GOLGA7B: variants seen among roughly 807,000 people sequenced by gnomAD.
The protein encoded by GOLGA7B is golgin subfamily A member 7B.
In GOLGA7B, 17 loss-of-function variants were observed where a neutral mutation model predicts 21.5. The ratio of observed to expected loss-of-function variants is 0.79; its 90% CI spans 0.54 to 1.19. The LOEUF (loss-of-function observed/expected upper bound fraction) is 1.19, where lower values mean the gene tolerates loss of function less well. GOLGA7B is among the 50% of genes most tolerant of loss of function. The pLI is 0.00. For missense variants in GOLGA7B, 169 were observed against 224.4 expected, an observed-to-expected ratio of 0.75 and a Z score of 1.58; for synonymous variants, 87 against 84.0, an observed-to-expected ratio of 1.04 and a Z score of -0.19.
At position 97,864,187 on chromosome 10, in the gene GOLGA7B, G is replaced by A. The variant is rs750311602; in HGVS notation, c.311G>A (p.Arg104His). Reference protein sequence around the residue: ...HYEKVLKKISRYIQEQNEKIF... With the variant: ...HYEKVLKKISHYIQEQNEKIF... Reference sequence around the variant, plus strand: ...TTGCAGGTTCTCAAGAAGATTTCCCGCTACATCCAGGAGCAGAATGAGAAG... The same window carrying A: ...TTGCAGGTTCTCAAGAAGATTTCCCACTACATCCAGGAGCAGAATGAGAAG... Residue 104 changes from arginine to histidine, a missense_variant, in exon 4 of 5, where the codon CGC (arginine) becomes CAC (histidine). Transcript: ENST00000370602. 152 of 1,614,138 alleles carry A rather than the reference G, an allele frequency of 9.4e-5. 1 individual carries two copies. The highest frequency in any genetic ancestry group is 3.3e-4 in the Middle Eastern group (2 of 6,062).
rs1384166085 is a variant in GOLGA7B, at chr10:97,859,468, T to C, written c.23T>C (p.Leu8Pro). MATEVHN[L>P]QELRRSASLA... ...CGCACGTCTCCTCAGGTCCACAATC[T>C]GCAGGAGCTCCGGCGAAGTGCCTCA... is the stretch of plus-strand genomic sequence containing the variant. Residue 8 changes from leucine (L) to proline (P), a missense_variant, in exon 2 of 5, where the codon CTG (leucine) becomes CCG (proline). Transcript: ENST00000370602. 1.2e-6 allele frequency: 2 copies of C among 1,614,076 alleles called. No individual in the cohort carries two copies. The highest frequency in any genetic ancestry group is 2.2e-5 in the East Asian group (1 of 44,866).
intron 2 of GOLGA7B, among the ~76,000 whole-genome samples, chr10:97,863,200 G>A (rs955309652): frequency 4.6e-5 from 7 of 152,210 alleles, no homozygotes; most frequent in South Asian, 2.1e-4. Context: ...CGTGGTCCGC[G>A]TGGTCTTAGG....
At chr10:97,863,017 C>T (rs1045746734) in intron 2 of GOLGA7B, among the ~76,000 whole-genome samples, 42 of 152,224 alleles carry the variant, frequency 2.8e-4, no homozygotes, top group African/African-American at 8.9e-4. Flanking sequence ...GAGGGCCTAG[C>T]GGGCATTGTA....
In GOLGA7B at chr10:97,862,543, C is replaced by T. The variant is rs543580965; in HGVS notation, c.139-1387C>T. On this transcript the variant is annotated intron_variant, in intron 2 of 4. Coordinates refer to ENST00000370602, the MANE Select transcript of GOLGA7B (RefSeq NM_001010917.3). ...TAAGGAGAAGAAAATATATTTACTA[C>T]TCATTAAGTGGAAGTGGATCATCAT... Among the ~76,000 whole-genome samples, 312 of 152,174 alleles carry T rather than the reference C, an allele frequency of 2.1e-3. 1 individual carries two copies. The highest frequency in any genetic ancestry group is 7.0e-3 in the African/African-American group (291 of 41,502).
rs1053648324 is a variant in GOLGA7B at position 97,867,179 on chromosome 10, G to A, written c.*1479G>A. ...GGCTCTTTAAGGCTTTGTAGGTGAG[G>A]TTTCCATGGACCTTCAAAGGTGCCA... is the stretch of plus-strand genomic sequence containing the variant. On this transcript the variant is annotated 3_prime_UTR_variant, in exon 5 of 5. Coordinates refer to ENST00000370602, the MANE Select transcript of GOLGA7B (RefSeq NM_001010917.3). 4 of 152,156 alleles carry A rather than the reference G, an allele frequency of 2.6e-5. No individual in the cohort carries two copies. Among genetic ancestry groups the A allele is most frequent in the Non-Finnish European group, 5.9e-5 (4 of 68,048 alleles). The allele number at this position is 152,156 out of a possible 1,614,324, so 9.4% of individuals were successfully genotyped here. A position where few individuals can be genotyped will look rare whatever the true frequency, so the allele number is the denominator to read the frequency against.
At position 97,864,095 on chromosome 10, in the gene GOLGA7B, GC is replaced by G; in HGVS notation, c.291+17del. The stretch of plus-strand genomic sequence containing the variant: ...CCACTATGAGAAGGTGGCCCCTCCC[GC>G]CCCACCGTGCATCCCTTCCCTCAGG... On this transcript the variant is annotated intron_variant, in intron 3 of 4. Transcript: ENST00000370602. 6.2e-7 allele frequency: 1 copy of G among 1,613,700 alleles called. No homozygotes were observed. The highest frequency in any genetic ancestry group is 8.5e-7 in the Non-Finnish European group (1 of 1,179,712).
rs762942929 is a variant in GOLGA7B, at chr10:97,865,641, G to GGCA, written c.454_456dup (p.Ser152dup). 7.5e-5 allele frequency: 121 copies of GGCA among 1,612,130 alleles called. No individual in the cohort carries two copies. Among genetic ancestry groups the GGCA allele is most frequent in the Admixed American group, 1.0e-4 (6 of 59,882 alleles). The stretch of plus-strand genomic sequence containing the variant: ...GTGCAGCAGTGGCAGCTCCAGCAGC[G>GGCA]GCAGCAGCAGCGGCAGTGGCAGCAG... On this transcript the variant is annotated inframe_insertion, in exon 5 of 5. Transcript: ENST00000370602.
rs2049958092 is a variant in GOLGA7B, at chr10:97,859,561, TC to T, written c.122del (p.Pro41GlnfsTer16). On this transcript the variant is annotated frameshift_variant, in exon 2 of 5. Coordinates refer to ENST00000370602, the MANE Select transcript of GOLGA7B (RefSeq NM_001010917.3). LOFTEE classifies it high-confidence loss of function. ...ACCATCTGTCAGTTCCAGACCAAAT[TC>T]CCCCCAGAGCTGGACAGCCGGGTAA... ...DGTICQFQTK[F>X]PPELDSRIER... 6.2e-7 allele frequency: 1 copy of T among 1,613,596 alleles called. No individual in the cohort carries two copies. The highest frequency in any genetic ancestry group is 8.5e-7 in the Non-Finnish European group (1 of 1,179,892).
intron 2 of GOLGA7B, 38 bp downstream of exon 2, chr10:97,859,621 G>A (rs1474572567): frequency 1.1e-5 from 17 of 1,606,312 alleles, no homozygotes; most frequent in Non-Finnish European, 1.4e-5. Flanking sequence ...ACCCAGGGCT[G>A]TGATGGAACT....
chr10:97,868,363 G>C lies in GOLGA7B; in HGVS notation c.*2663G>C, dbSNP rs1484249694. 2.0e-5 allele frequency: 3 copies of C among 152,278 alleles called. No individual in the cohort carries two copies. The highest frequency in any genetic ancestry group is 7.2e-5 in the African/African-American group (3 of 41,452). 9.4% of individuals were successfully genotyped at this position (152,278 alleles called of 1,614,324 possible). ...AACAGGGCCCAAGCTTGGAACCCAG[G>C]TCTCCTGACTCAGTGCCCACTCTGT... On this transcript the variant is annotated 3_prime_UTR_variant, in exon 5 of 5. Coordinates refer to ENST00000370602, the MANE Select transcript of GOLGA7B (RefSeq NM_001010917.3).
Position 97,850,635 on chromosome 10 carries a change from G to T in GOLGA7B, c.12+320G>T, listed in dbSNP as rs1418247038. ...CCTGAAACCGCTTTCCTAGAGGGTTGGAGACGCGTGTGTGTGCGTGTGTGA... is the reference window on the plus strand; with the variant it reads ...CCTGAAACCGCTTTCCTAGAGGGTTTGAGACGCGTGTGTGTGCGTGTGTGA... On this transcript the variant is annotated intron_variant, in intron 1 of 4. Transcript: ENST00000370602. 2.6e-5 allele frequency among the ~76,000 whole-genome samples: 4 copies of T among 152,186 alleles called. No individual in the cohort carries two copies. In the East Asian group the frequency reaches 7.7e-4, roughly 29 times the overall value.
chr10:97,865,805 TCACCCTGCTGCCCGGGGTGGGAGGGA>T lies in GOLGA7B; in HGVS notation c.*106_*131del. The T allele has an allele frequency of 2.1e-6, 1 of 477,504 alleles. No homozygotes were observed. Among genetic ancestry groups the T allele is most frequent in the Non-Finnish European group, 3.6e-6 (1 of 277,946 alleles). The allele number at this position is 477,504 out of a possible 1,614,324, so 29.6% of individuals were successfully genotyped here. On this transcript the variant is annotated 3_prime_UTR_variant, in exon 5 of 5. Coordinates refer to ENST00000370602, the MANE Select transcript of GOLGA7B (RefSeq NM_001010917.3). ...CCCGCTTCTGAGTCATTCTTTGGGCTCACCCTGCTGCCCGGGGTGGGAGGGAGGGTGACGGGCCTCATATTTCCTGT... is the reference window on the plus strand; with the variant it reads ...CCCGCTTCTGAGTCATTCTTTGGGCTGGGTGACGGGCCTCATATTTCCTGT...
chr10:97,868,890 C>G lies in GOLGA7B; in HGVS notation c.*3190C>G, dbSNP rs180909302. On this transcript the variant is annotated 3_prime_UTR_variant, in exon 5 of 5. Transcript: ENST00000370602. ...GTAGCTGACGTTTATTTAGCACTTC[C>G]TATGTGCCAGGCACTAGGCTAAGAC... The G allele has an allele frequency of 1.2e-4, 18 of 151,468 alleles. No individual in the cohort carries two copies. The highest frequency in any genetic ancestry group is 3.4e-4 in the African/African-American group (14 of 40,820). The allele number at this position is 151,468 out of a possible 1,614,324, so 9.4% of individuals were successfully genotyped here. A position where few individuals can be genotyped will look rare whatever the true frequency, so the allele number is the denominator to read the frequency against.
chr10:97,860,379 T>C (rs1256330967), intron 2 of GOLGA7B, among the ~76,000 whole-genome samples: 3 of 152,254 alleles, frequency 2.0e-5, no homozygotes, highest in South Asian at 2.1e-4. Flanking sequence ...TTTTTTTTTT[T>C]CCCTTGATGG....
chr10:97,865,735 G>C lies in GOLGA7B; in HGVS notation c.*35G>C, dbSNP rs749454128. On this transcript the variant is annotated 3_prime_UTR_variant, in exon 5 of 5. Transcript: ENST00000370602. ...AGTCCCTGTAGGGAGGTGTATGGCCGGAGTGAGGGCCTTGCAGACCTGCGG... is the reference window on the plus strand; with the variant it reads ...AGTCCCTGTAGGGAGGTGTATGGCCCGAGTGAGGGCCTTGCAGACCTGCGG... 1.9e-6 allele frequency: 3 copies of C among 1,572,380 alleles called. No homozygotes were observed. The highest frequency in any genetic ancestry group is 1.7e-6 in the Non-Finnish European group (2 of 1,157,590).
rs1368563062 is a variant in GOLGA7B, at chr10:97,850,230, A to G, written c.-74A>G. ...CAGCTCGCCGCCACCGCCGCCGCCCACCTGCTCCCGGGGTCAGCACCGCGG... is the reference window on the plus strand; with the variant it reads ...CAGCTCGCCGCCACCGCCGCCGCCCGCCTGCTCCCGGGGTCAGCACCGCGG... On this transcript the variant is annotated 5_prime_UTR_variant, in exon 1 of 5. Coordinates refer to ENST00000370602, the MANE Select transcript of GOLGA7B (RefSeq NM_001010917.3). The G allele has an allele frequency of 5.1e-5, 58 of 1,134,396 alleles. No individual in the cohort carries two copies. Among genetic ancestry groups the G allele is most frequent in the Non-Finnish European group, 6.7e-5 (58 of 863,468 alleles). 70.3% of individuals were successfully genotyped at this position (1,134,396 alleles called of 1,614,324 possible).
intron 1 of GOLGA7B, among the ~76,000 whole-genome samples, chr10:97,858,263 A>G (rs2049948550): frequency 6.6e-6 from 1 of 151,968 alleles, no homozygotes; most frequent in Admixed American, 6.6e-5. Flanking sequence ...TCACTGTCTA[A>G]TTCATTATAT....
intron 1 of GOLGA7B, among the ~76,000 whole-genome samples, chr10:97,855,332 A>G (rs1011616683): frequency 3.3e-5 from 5 of 152,250 alleles, no homozygotes; most frequent in African/African-American, 9.6e-5. Flanking sequence ...AAGCAATCCT[A>G]TGCAAAGAAC....
In GOLGA7B at chr10:97,859,448, G is replaced by A. The variant is rs778400554; in HGVS notation, c.13-10G>A. ...CACTCTCAGCACATGCCGCCCGCAC[G>A]TCTCCTCAGGTCCACAATCTGCAGG... On this transcript the variant is annotated splice_polypyrimidine_tract_variant and intron_variant, in intron 1 of 4. Transcript: ENST00000370602. 26 of 1,613,642 alleles carry A rather than the reference G, an allele frequency of 1.6e-5. No individual in the cohort carries two copies. The South Asian group carries it at 1.6e-4, about 10-fold the overall frequency.
Sources: gnomAD v4.1 joint callset for allele counts (sites outside exome capture counted in the v4.1 genomes callset) on GRCh38, gnomAD v4.1.1 for gene constraint, MANE v1.5 for transcripts, NCBI Gene and HGNC (gene_info 2026-07-23, HGNC 2026-07-21) for gene names.